ATG10: variants seen among roughly 807,000 people sequenced by gnomAD.
ATG10 encodes the protein autophagy related 10.
Under a neutral mutation model 32.1 loss-of-function variants are expected in ATG10, and 30 were observed. The observed-to-expected ratio is 0.94, with a 90% CI of 0.70 to 1.27. ATG10 has a LOEUF of 1.27. ATG10 is among the 50% of genes most tolerant of loss of function. ATG10 has a pLI of 0.00. For synonymous variants in ATG10, 87 were observed against 91.5 expected (o/e 0.95, Z 0.28); for missense variants, 233 against 262.3 (o/e 0.89, Z 0.77).
At chr5:82,183,963 C>G (rs1744348918) in intron 5 of ATG10, among the ~76,000 whole-genome samples, 1 of 152,188 alleles carries the variant, frequency 6.6e-6, no homozygotes, top group Non-Finnish European at 1.5e-5. Context: ...AAGACATTGG[C>G]TCCTGAGTCA....
chr5:82,227,871 A>C (rs1310812308), intron 5 of ATG10, among the ~76,000 whole-genome samples: 1 of 152,208 alleles, frequency 6.6e-6, no homozygotes, highest in Non-Finnish European at 1.5e-5. Context: ...TGGGGATTAA[A>C]TTGATTCATA....
intron 3 of ATG10, among the ~76,000 whole-genome samples, chr5:82,061,920 C>T (rs1210003167): frequency 7.3e-6 from 1 of 137,286 alleles, no homozygotes; most frequent in Admixed American, 8.3e-5. Context: ...TCATCTAATT[C>T]CTGGGCTCAA....
rs768628286 is a variant in ATG10, at chr5:82,132,216, C to T, written c.217-32183C>T. Among the ~76,000 whole-genome samples, 26 of 152,070 alleles carry T rather than the reference C, an allele frequency of 1.7e-4. 1 individual carries two copies. In the East Asian group the frequency reaches 2.3e-3, roughly 14 times the overall value. On this transcript the variant is annotated intron_variant, in intron 3 of 7. Transcript: ENST00000282185. ...GTGTACTATAGTTCCTGGCAGTTGG[C>T]ACTCATTGAAAGTTAACTGCCATTA...
chr5:82,144,919 A>G (rs183191624), intron 3 of ATG10, among the ~76,000 whole-genome samples: 1 of 151,980 alleles, frequency 6.6e-6, no homozygotes, highest in Admixed American at 6.5e-5. Context: ...GGACTTGTCT[A>G]TTTCTTCTTT....
At chr5:82,206,127 G>A (rs1376731354) in intron 5 of ATG10, among the ~76,000 whole-genome samples, 1 of 152,164 alleles carries the variant, frequency 6.6e-6, no homozygotes, top group Non-Finnish European at 1.5e-5. Context: ...GTGGCTATTG[G>A]AGTGCTATGC....
intron 3 of ATG10, among the ~76,000 whole-genome samples, chr5:82,079,827 T>G (rs544612415): frequency 2.6e-5 from 4 of 152,166 alleles, no homozygotes; most frequent in Admixed American, 2.0e-4. Context: ...AATAAACATA[T>G]GTGTGCATGT....
At chr5:82,022,253 G>T (rs1762462587) in intron 2 of ATG10, among the ~76,000 whole-genome samples, 1 of 151,918 alleles carries the variant, frequency 6.6e-6, no homozygotes, top group South Asian at 2.1e-4. Context: ...TGATACAGAA[G>T]ACTGGATGTA....
At chr5:82,160,444 T>A (rs1450655782) in intron 3 of ATG10, among the ~76,000 whole-genome samples, 1 of 152,212 alleles carries the variant, frequency 6.6e-6, no homozygotes, top group Non-Finnish European at 1.5e-5. Context: ...ATTGTTTCAA[T>A]TTTTTGGCTA....
rs78083862 is a variant in ATG10, at chr5:82,235,336, A to G, written c.454-17226A>G. Among the ~76,000 whole-genome samples the G allele has an allele frequency of 8.7e-3, 1,332 of 152,240 alleles. 22 individuals carry two copies. Among genetic ancestry groups the G allele is most frequent in the African/African-American group, 0.03 (1,264 of 41,538 alleles). On this transcript the variant is annotated intron_variant, in intron 5 of 7. Transcript: ENST00000282185. ...CATGGTCAACAAGCAACCCCAAATG[A>G]TTCTGATGGTCCTGGGATCACACTG...
intron 3 of ATG10, among the ~76,000 whole-genome samples, chr5:82,059,927 A>C (rs1442362169): frequency 2.6e-5 from 4 of 152,132 alleles, no homozygotes; most frequent in Non-Finnish European, 5.9e-5. Context: ...GAAGCTTTTC[A>C]ATTCATTATA....
At chr5:82,229,478 T>C (rs939861578) in intron 5 of ATG10, among the ~76,000 whole-genome samples, 1 of 152,244 alleles carries the variant, frequency 6.6e-6, no homozygotes, top group East Asian at 1.9e-4. Flanking sequence ...GCCACTTTCT[T>C]ATTGGGCAAG....
chr5:82,065,305 G>C (rs1009828632), intron 3 of ATG10, among the ~76,000 whole-genome samples: 2 of 151,950 alleles, frequency 1.3e-5, no homozygotes, highest in Non-Finnish European at 2.9e-5. Context: ...TGGCCAACAT[G>C]GTGAAACACC....
intron 3 of ATG10, among the ~76,000 whole-genome samples, chr5:82,128,036 A>G (rs1191805692): frequency 1.3e-5 from 2 of 152,008 alleles, no homozygotes; most frequent in Non-Finnish European, 2.9e-5. Flanking sequence ...CCATTACATA[A>G]TGCCCTTCTT....
In ATG10 at chr5:82,164,426, T is replaced by C. The variant is rs141251446; in HGVS notation, c.244T>C (p.Cys82Arg). 49 of 1,614,020 alleles carry C rather than the reference T, an allele frequency of 3.0e-5. No individual in the cohort carries two copies. In the African/African-American group the frequency reaches 6.3e-4, roughly 21 times the overall value. Residue 82 changes from cysteine to arginine, a missense_variant, in exon 4 of 8, where the codon TGT (cysteine) becomes CGT (arginine). Physicochemically the swap from Cys to Arg is radical, Grantham distance 180 (BLOSUM62 -3). Coordinates refer to ENST00000282185, the MANE Select transcript of ATG10 (RefSeq NM_031482.5). Reference sequence around the variant, plus strand: ...GGCTTTCGAGCTACCCTTGGATGATTGTGAAGTGATTGAAACTGCAGCAGC... The same window carrying C: ...GGCTTTCGAGCTACCCTTGGATGATCGTGAAGTGATTGAAACTGCAGCAGC... ...EEAFELPLDDCEVIETAAASE... is the reference protein window; with the variant it reads ...EEAFELPLDDREVIETAAASE...
chr5:82,042,513 C>G (rs960128493), intron 2 of ATG10, among the ~76,000 whole-genome samples: 6 of 152,268 alleles, frequency 3.9e-5, no homozygotes, highest in South Asian at 2.1e-4. Context: ...CAACAGTCCC[C>G]AAGTCTTAAT....
intron 2 of ATG10, among the ~76,000 whole-genome samples, chr5:82,003,443 T>A (rs1019277079): frequency 6.6e-6 from 1 of 152,150 alleles, no homozygotes; most frequent in Admixed American, 6.5e-5. Context: ...TGAGCCTGGG[T>A]TTTCTTATTG....
At chr5:82,038,826 C>G (rs574231960) in intron 2 of ATG10, among the ~76,000 whole-genome samples, 3 of 152,238 alleles carry the variant, frequency 2.0e-5, no homozygotes, top group South Asian at 4.2e-4. Flanking sequence ...TTATGATGTA[C>G]TCTCTTCCTA....
intron 2 of ATG10, among the ~76,000 whole-genome samples, chr5:82,028,209 T>C (rs1762647083): frequency 6.6e-6 from 1 of 152,228 alleles, no homozygotes; most frequent in South Asian, 2.1e-4. Flanking sequence ...TTAATCCAGA[T>C]TATTATCAAA....
chr5:82,253,273 A>T (rs1336974408), intron 6 of ATG10, 41 bp from the exon 7 acceptor site: 1 of 1,374,402 alleles, frequency 7.3e-7, no homozygotes, highest in South Asian at 1.2e-5. Context: ...AAAAACTACA[A>T]TGGAAACGTT....
Sources: allele counts gnomAD v4.1 joint callset (sites outside exome capture counted in the v4.1 genomes callset), GRCh38; gene constraint gnomAD v4.1.1; transcripts MANE v1.5; gene names NCBI Gene and HGNC (gene_info 2026-07-23, HGNC 2026-07-21).